The following SLC25A25 variants were observed in gnomAD, a reference collection of about 807,000 sequenced individuals.
The protein encoded by SLC25A25 is solute carrier family 25 member 25, also known as mitochondrial adenyl nucleotide antiporter SLC25A25.
A neutral mutation model predicts 57.7 loss-of-function variants in SLC25A25; 32 were observed. The observed-to-expected ratio is 0.55, with a 90% CI of 0.42 to 0.74. The LOEUF (loss-of-function observed/expected upper bound fraction) is 0.74. SLC25A25 is among the 30% of genes least tolerant of loss of function. SLC25A25 has a pLI of 0.00. For synonymous variants in SLC25A25, 306 were observed against 291.2 expected (o/e 1.05, Z -0.52); for missense variants, 556 against 701.3 (o/e 0.79, Z 2.34).
At position 128,095,764 on chromosome 9, in the gene SLC25A25, C is replaced by G. The variant is rs369710421; in HGVS notation, c.262-5332C>G. On this transcript the variant is annotated intron_variant, in intron 1 of 10. Transcript: ENST00000373069. This position sits in a 1 kb window ranked among gnomAD's most constrained non-coding sequence, Gnocchi z 4.4. ...GGTGGAGGTTGTAGTGAGCCAAGAT[C>G]GCGCCACTGCACTCCAGCCTGGGCG... is the stretch of plus-strand genomic sequence containing the variant. 1.1e-3 allele frequency among the ~76,000 whole-genome samples: 169 copies of G among 152,112 alleles called. 2 individuals are homozygous for G. In the Middle Eastern group the frequency reaches 0.014, roughly 12 times the overall value.
chr9:128,096,688 T>G (rs576896596), intron 1 of SLC25A25, among the ~76,000 whole-genome samples: 85 of 152,326 alleles, frequency 5.6e-4, no homozygotes, highest in African/African-American at 2.0e-3. Context: ...TGAAGCACCT[T>G]ATTTGATCAA....
chr9:128,077,186 T>C (rs564966634), intron 1 of SLC25A25, among the ~76,000 whole-genome samples: 48 of 152,168 alleles, frequency 3.2e-4, no homozygotes, highest in Non-Finnish European at 5.6e-4. Flanking sequence ...CAATAACCCA[T>C]GGGGTTTATA....
chr9:128,092,711 T>C (rs564667060), intron 1 of SLC25A25, among the ~76,000 whole-genome samples: 2 of 152,290 alleles, frequency 1.3e-5, no homozygotes, highest in Admixed American at 1.3e-4. Flanking sequence ...GAGCGTGAGT[T>C]ACCATCCTCA....
At position 128,099,934 on chromosome 9, in the gene SLC25A25, G is replaced by A. The variant is rs920597068; in HGVS notation, c.262-1162G>A. Among the ~76,000 whole-genome samples, 23 of 152,106 alleles carry A rather than the reference G, an allele frequency of 1.5e-4. No individual in the cohort carries two copies. The highest frequency in any genetic ancestry group is 5.2e-4 in the Admixed American group (8 of 15,270). On this transcript the variant is annotated intron_variant, in intron 1 of 10. Transcript: ENST00000373069. This position sits in a 1 kb window ranked among gnomAD's most constrained non-coding sequence, Gnocchi z 6.8. ...ATACCATCTTCCTTGGGAGATTCTC[G>A]GTCCCAGTTTTGGGTTCCGGATTCA...
intron 1 of SLC25A25, among the ~76,000 whole-genome samples, chr9:128,087,559 G>A (rs1425658962): frequency 6.6e-6 from 1 of 152,160 alleles, no homozygotes; most frequent in East Asian, 1.9e-4. Flanking sequence ...TGTTTCTTGT[G>A]CTTAGGGTTT....
Position 128,098,759 on chromosome 9 carries a change from C to CGA in SLC25A25, c.262-2337_262-2336insGA, listed in dbSNP as rs199536205. The CGA allele has an allele frequency of 3.0e-3, 4,759 of 1,608,976 alleles. 25 individuals carry two copies. Among genetic ancestry groups the CGA allele is most frequent in the Admixed American group, 0.017 (998 of 59,722 alleles). ...GGTGACCGCGCGGAAGGGAGAGGCG[C>CGA]ATTCAACCGGTATTTGTTGAGTGAA... On this transcript the variant is annotated intron_variant, in intron 1 of 10. Coordinates refer to ENST00000373069, the MANE Select transcript of SLC25A25 (RefSeq NM_001330988.2).
intron 1 of SLC25A25, among the ~76,000 whole-genome samples, chr9:128,074,684 G>A (rs1052840171): frequency 6.6e-6 from 1 of 152,068 alleles, no homozygotes; most frequent in African/African-American, 2.4e-5. Context: ...GGGCCTGGCC[G>A]ACAGAGCCAG....
chr9:128,072,791 G>A lies in SLC25A25; in HGVS notation c.261+4211G>A, dbSNP rs189314430. ...TGAGACTCAGCCAGAGCTAATTATA[G>A]ATTGCCTATTTAAGGCATTTTCATG... On this transcript the variant is annotated intron_variant, in intron 1 of 10. Coordinates refer to ENST00000373069, the MANE Select transcript of SLC25A25 (RefSeq NM_001330988.2). 9.8e-5 allele frequency among the ~76,000 whole-genome samples: 15 copies of A among 152,352 alleles called. No homozygotes were observed. In the South Asian group the frequency reaches 1.4e-3, roughly 15 times the overall value.
At chr9:128,085,590 A>G (rs1342826501) in intron 1 of SLC25A25, among the ~76,000 whole-genome samples, 2 of 152,122 alleles carry the variant, frequency 1.3e-5, no homozygotes, top group Non-Finnish European at 2.9e-5. Context: ...GATCGCTAAC[A>G]CCTAGTTTAT....
At chr9:128,093,684 C>T (rs765813329) in intron 1 of SLC25A25, among the ~76,000 whole-genome samples, 1 of 152,230 alleles carries the variant, frequency 6.6e-6, no homozygotes, top group Non-Finnish European at 1.5e-5. Context: ...GAAGCATAGA[C>T]TCTCAAAGCA....
rs143107620 is a variant in SLC25A25, at chr9:128,075,171, G to T, written c.261+6591G>T. Among the ~76,000 whole-genome samples the T allele has an allele frequency of 3.2e-3, 488 of 152,198 alleles. 5 individuals are homozygous for T. Among genetic ancestry groups the T allele is most frequent in the African/African-American group, 0.011 (475 of 41,522 alleles). ...AACAACAACAAAATTAGCTGGGCATGGTGGCCCATGCCTGTAGTCTAGCTA... is the reference window on the plus strand; with the variant it reads ...AACAACAACAAAATTAGCTGGGCATTGTGGCCCATGCCTGTAGTCTAGCTA... On this transcript the variant is annotated intron_variant, in intron 1 of 10. Transcript: ENST00000373069.
At chr9:128,091,808 G>A (rs1193783526) in intron 1 of SLC25A25, 20 of 1,539,834 alleles carry the variant, frequency 1.3e-5, no homozygotes, top group Non-Finnish European at 1.7e-5. Context: ...GAGAGCGTTG[G>A]TACTGTGGTC....
At chr9:128,091,846 T>A in intron 1 of SLC25A25, 1 of 1,589,142 alleles carries the variant, frequency 6.3e-7, no homozygotes, top group Admixed American at 1.7e-5. Context: ...ACAGTCGCCA[T>A]CAGAGGCGTT....
Position 128,069,031 on chromosome 9 carries a change from G to GA in SLC25A25, c.261+460dup, listed in dbSNP as rs201947658. ...TTCCTCTCAGGAACATGTGGGAGTT[G>GA]AAAAAAAAATTGGTATTGGGGTTTC... On this transcript the variant is annotated intron_variant, in intron 1 of 10. Coordinates refer to ENST00000373069, the MANE Select transcript of SLC25A25 (RefSeq NM_001330988.2). 2.0e-3 allele frequency among the ~76,000 whole-genome samples: 298 copies of GA among 151,600 alleles called. 1 individual carries two copies. Among genetic ancestry groups the GA allele is most frequent in the Non-Finnish European group, 2.8e-3 (190 of 67,824 alleles).
intron 1 of SLC25A25, among the ~76,000 whole-genome samples, chr9:128,086,612 C>T (rs1161146455): frequency 5.9e-5 from 9 of 151,718 alleles, no homozygotes; most frequent in South Asian, 2.1e-4. Context: ...AGATTACAGG[C>T]GTGAGCCACT....
intron 1 of SLC25A25, among the ~76,000 whole-genome samples, chr9:128,069,897 A>T (rs1236932519): frequency 6.8e-6 from 1 of 146,182 alleles, no homozygotes; most frequent in South Asian, 2.1e-4. Context: ...GATTACAGGC[A>T]TGTGCCACCA....
intron 1 of SLC25A25, chr9:128,091,527 G>A: frequency 1.0e-6 from 1 of 994,378 alleles, no homozygotes; most frequent in East Asian, 1.1e-4. Flanking sequence ...GGTCTGCTTG[G>A]CTGTCGCGTT....
rs986147232 is a variant in SLC25A25 at position 128,099,850 on chromosome 9, C to T, written c.262-1246C>T. Among the ~76,000 whole-genome samples the T allele has an allele frequency of 6.6e-6, 1 of 152,128 alleles. No homozygotes were observed. The highest frequency in any genetic ancestry group is 2.4e-5 in the African/African-American group (1 of 41,424). On this transcript the variant is annotated intron_variant, in intron 1 of 10. Transcript: ENST00000373069. The surrounding 1 kb of genome is among the most constrained non-coding windows in gnomAD (Gnocchi z 6.8). ...AGCCAGTGGGCCATCCATTTCCAAACCCCAGCTGGCTGTCAGTTGATTTCT... is the reference window on the plus strand; with the variant it reads ...AGCCAGTGGGCCATCCATTTCCAAATCCCAGCTGGCTGTCAGTTGATTTCT...
Position 128,103,946 on chromosome 9 carries a change from C to G in SLC25A25, c.783+107C>G. On this transcript the variant is annotated intron_variant, in intron 6 of 10. Transcript: ENST00000373069. The surrounding 1 kb of genome is among the most constrained non-coding windows in gnomAD (Gnocchi z 6.7). Reference sequence around the variant, plus strand: ...GGCTGGTGCCTGCTTTGGGCCCAAACTTTTCTAACCCAATAAATTAGACTA... The same window carrying G: ...GGCTGGTGCCTGCTTTGGGCCCAAAGTTTTCTAACCCAATAAATTAGACTA... 2.6e-6 allele frequency: 3 copies of G among 1,173,650 alleles called. No individual in the cohort carries two copies. The highest frequency in any genetic ancestry group is 3.5e-6 in the Non-Finnish European group (3 of 863,104). The allele number at this position is 1,173,650 out of a possible 1,614,324, so 72.7% of individuals were successfully genotyped here. A position where few individuals can be genotyped will look rare whatever the true frequency, so the allele number is the denominator to read the frequency against.
Sources: allele counts gnomAD v4.1 joint callset (sites outside exome capture counted in the v4.1 genomes callset), GRCh38; gene constraint gnomAD v4.1.1; non-coding constraint Gnocchi (gnomAD v3.1); transcripts MANE v1.5; gene names NCBI Gene and HGNC (gene_info 2026-07-23, HGNC 2026-07-21).